Variants in MAGI1 observed in about 807,000 individuals in gnomAD.
MAGI1 encodes membrane-associated guanylate kinase, WW and PDZ domain-containing protein 1.
A neutral mutation model predicts 139.9 loss-of-function variants in MAGI1; 58 were observed. The ratio of observed to expected loss-of-function variants is 0.41; its 90% CI spans 0.34 to 0.52. MAGI1 has a LOEUF of 0.52. MAGI1 is among the 20% of genes least tolerant of loss of function. The pLI, the probability that MAGI1 is intolerant of heterozygous loss-of-function variation, is 0.12. For missense variants in MAGI1, 1,874 were observed against 1,901.6 expected (o/e 0.99, Z 0.27); for synonymous variants, 812 against 737.9 (o/e 1.10, Z -1.63).
At chr3:65,436,742 T>G (rs916964734) in intron 10 of MAGI1, among the ~76,000 whole-genome samples, 1 of 152,016 alleles carries the variant, frequency 6.6e-6, no homozygotes, top group Admixed American at 6.6e-5. Flanking sequence ...CCCAGAGACA[T>G]CTGGCAATGT....
At chr3:65,443,277 C>G (rs925270198) in intron 7 of MAGI1, among the ~76,000 whole-genome samples, 2 of 152,142 alleles carry the variant, frequency 1.3e-5, no homozygotes. Flanking sequence ...TTGTTTTGCT[C>G]TCCTTGAAAT....
At chr3:65,667,710 T>G (rs1417324962) in intron 1 of MAGI1, among the ~76,000 whole-genome samples, 2 of 152,174 alleles carry the variant, frequency 1.3e-5, no homozygotes, top group East Asian at 3.9e-4. Flanking sequence ...TAGCTAGGAC[T>G]ACACCAACAC....
intron 1 of MAGI1, among the ~76,000 whole-genome samples, chr3:65,986,074 G>C (rs888457152): frequency 1.3e-5 from 2 of 152,184 alleles, no homozygotes; most frequent in Admixed American, 1.3e-4. Context: ...GAGCAAATGG[G>C]CCAGATGTTT....
intron 1 of MAGI1, among the ~76,000 whole-genome samples, chr3:65,886,243 T>C (rs1023666947): frequency 1.3e-5 from 2 of 152,216 alleles, no homozygotes; most frequent in Non-Finnish European, 2.9e-5. Context: ...AAATGTCCTA[T>C]TATTAGCAAG....
chr3:66,002,540 A>G (rs1322455099), intron 1 of MAGI1, among the ~76,000 whole-genome samples: 1 of 152,014 alleles, frequency 6.6e-6, no homozygotes, highest in Non-Finnish European at 1.5e-5. Flanking sequence ...TTTTGGGGAC[A>G]GACTCTCACT....
chr3:65,872,846 A>C (rs968218659), intron 1 of MAGI1: 2 of 152,198 alleles, frequency 1.3e-5, no homozygotes, highest in Non-Finnish European at 2.9e-5. Context: ...TTTGAAGTTC[A>C]TGAGCAGGCA....
intron 2 of MAGI1, among the ~76,000 whole-genome samples, chr3:65,514,524 A>G (rs949658864): frequency 6.6e-6 from 1 of 150,600 alleles, no homozygotes; most frequent in Non-Finnish European, 1.5e-5. Flanking sequence ...TTCTCAAAAG[A>G]AGACATTTAT....
At chr3:65,993,822 T>G (rs1484403692) in intron 1 of MAGI1, among the ~76,000 whole-genome samples, 1 of 152,200 alleles carries the variant, frequency 6.6e-6, no homozygotes, top group Non-Finnish European at 1.5e-5. Context: ...TAGCTAACCC[T>G]GGAAATGGAA....
At position 65,719,598 on chromosome 3, in the gene MAGI1, T is replaced by C. The variant is rs2032751924; in HGVS notation, c.314-97510A>G. ...TCTCACTCTGTAGCCCAGGCTGGAG[T>C]ACAGTGGCATAATCACAGCTCACTG... On this transcript the variant is annotated intron_variant, in intron 1 of 22. Coordinates refer to ENST00000402939, the MANE Select transcript of MAGI1 (RefSeq NM_001033057.2). Among the ~76,000 whole-genome samples, 3 of 151,016 alleles carry C rather than the reference T, an allele frequency of 2.0e-5. No homozygotes were observed. In the Middle Eastern group the frequency reaches 0.01, roughly 528 times the overall value.
At chr3:65,870,045 A>C (rs1352485159) in intron 1 of MAGI1, among the ~76,000 whole-genome samples, 1 of 152,180 alleles carries the variant, frequency 6.6e-6, no homozygotes, top group Non-Finnish European at 1.5e-5. Flanking sequence ...TGAATCTGGG[A>C]GAGCCATTCT....
chr3:66,036,327 A>G (rs763991758), intron 1 of MAGI1, among the ~76,000 whole-genome samples: 15 of 152,344 alleles, frequency 9.8e-5, no homozygotes, highest in South Asian at 6.2e-4. Flanking sequence ...ACGCATTGTC[A>G]GGCCAGGAAA....
In MAGI1 at chr3:65,754,612, T is replaced by C. The variant is rs560127020; in HGVS notation, c.314-132524A>G. Among the ~76,000 whole-genome samples the C allele has an allele frequency of 1.1e-4, 17 of 152,380 alleles. No individual in the cohort carries two copies. In the South Asian group the frequency reaches 3.5e-3, roughly 32 times the overall value. On this transcript the variant is annotated intron_variant, in intron 1 of 22. Coordinates refer to ENST00000402939, the MANE Select transcript of MAGI1 (RefSeq NM_001033057.2). ...ATGTCTTAAGGAAAATAGTTTCGTG[T>C]ACACTGGGTTTTCCCCTTAAAGGCA...
chr3:65,702,924 C>T lies in MAGI1; in HGVS notation c.314-80836G>A, dbSNP rs142082188. Among the ~76,000 whole-genome samples the T allele has an allele frequency of 5.6e-3, 848 of 151,972 alleles. 6 individuals carry two copies. Among genetic ancestry groups the T allele is most frequent in the African/African-American group, 0.02 (811 of 41,450 alleles). On this transcript the variant is annotated intron_variant, in intron 1 of 22. Coordinates refer to ENST00000402939, the MANE Select transcript of MAGI1 (RefSeq NM_001033057.2). ...GGCTCAGCATATGGTGGTGAGAAAC[C>T]GTCTTCCTTAGATCTCTGAGATGCA...
intron 2 of MAGI1, among the ~76,000 whole-genome samples, chr3:65,533,598 A>G (rs1023834483): frequency 6.6e-6 from 1 of 152,360 alleles, no homozygotes; most frequent in Admixed American, 6.5e-5. Flanking sequence ...TCGCCTCAAA[A>G]TCACTTTCTA....
chr3:65,833,742 G>T (rs2042656031), intron 1 of MAGI1, among the ~76,000 whole-genome samples: 1 of 152,202 alleles, frequency 6.6e-6, no homozygotes, highest in Non-Finnish European at 1.5e-5. Context: ...GCAGGCTTCA[G>T]CATGCTTTTG....
intron 2 of MAGI1, among the ~76,000 whole-genome samples, chr3:65,571,230 T>C (rs144724505): frequency 1.3e-5 from 2 of 152,314 alleles, no homozygotes; most frequent in African/African-American, 4.8e-5. Flanking sequence ...GAGGGTCATT[T>C]TCCTCCCTTT....
At chr3:65,701,415 G>C (rs2089599068) in intron 1 of MAGI1, among the ~76,000 whole-genome samples, 1 of 152,094 alleles carries the variant, frequency 6.6e-6, no homozygotes, top group Non-Finnish European at 1.5e-5. Context: ...ACCACACCCA[G>C]CTAATTTTTG....
chr3:65,447,435 A>G (rs1948744332), intron 7 of MAGI1, among the ~76,000 whole-genome samples: 1 of 152,234 alleles, frequency 6.6e-6, no homozygotes. Context: ...CAGTACATAC[A>G]GATGCTGCAT....
At chr3:65,494,333 C>T (rs1320843765) in intron 2 of MAGI1, among the ~76,000 whole-genome samples, 1 of 152,158 alleles carries the variant, frequency 6.6e-6, no homozygotes, top group African/African-American at 2.4e-5. Context: ...TGTAACGCTT[C>T]CTCTTATGAA....
Sources: allele counts gnomAD v4.1 joint callset (sites outside exome capture counted in the v4.1 genomes callset), GRCh38; gene constraint gnomAD v4.1.1; transcripts MANE v1.5; gene names NCBI Gene and HGNC (gene_info 2026-07-23, HGNC 2026-07-21).